Variants in USH2A observed in about 807,000 individuals in gnomAD.
The protein encoded by USH2A is usherin, also known as Usher syndrome 2A (autosomal recessive, mild).
USH2A carries 443 observed loss-of-function variants against 538.9 expected under a neutral mutation model. The observed-to-expected ratio is 0.82, with a 90% CI of 0.76 to 0.89. USH2A has a LOEUF of 0.89. Among genes scored for constraint, USH2A ranks in the 40% least tolerant of loss-of-function variants. The probability of loss-of-function intolerance (pLI) is 0.00; values close to 1 mark genes in which losing one functional copy is unlikely to be tolerated. For synonymous variants in USH2A, 2,413 were observed against 2,273.5 expected (o/e 1.06, Z -1.75); for missense variants, 6,633 against 6,324.8 (o/e 1.05, Z -1.65).
At position 215,800,673 on chromosome 1, in the gene USH2A, T is replaced by G. The variant is rs1662298962; in HGVS notation, c.9740-1548A>C. ...TATAAAAATATGGGACAATATTTAA[T>G]TAAACATAGATATATAAGGAGTATA... On this transcript the variant is annotated intron_variant, in intron 49 of 71. Coordinates refer to ENST00000307340, the MANE Select transcript of USH2A (RefSeq NM_206933.4). 2.0e-5 allele frequency among the ~76,000 whole-genome samples: 3 copies of G among 152,274 alleles called. No individual in the cohort carries two copies. The South Asian group carries it at 6.2e-4, about 32-fold the overall frequency.
At chr1:215,842,502 A>G (rs1016146485) in intron 46 of USH2A, among the ~76,000 whole-genome samples, 3 of 152,194 alleles carry the variant, frequency 2.0e-5, no homozygotes, top group Non-Finnish European at 2.9e-5. Context: ...TAAAGATACA[A>G]GCACATATAT....
intron 32 of USH2A, among the ~76,000 whole-genome samples, chr1:216,010,426 C>A (rs1668531448): frequency 6.6e-6 from 1 of 152,050 alleles, no homozygotes; most frequent in African/African-American, 2.4e-5. Context: ...GGAACTCTGG[C>A]CCAAGGTTCT....
intron 41 of USH2A, 99 bp downstream of exon 41, chr1:215,888,327 A>G: frequency 6.4e-7 from 1 of 1,573,496 alleles, no homozygotes; most frequent in Non-Finnish European, 8.6e-7. Flanking sequence ...TAAAACAACA[A>G]ATGCGTTTGT....
chr1:216,001,633 G>A (rs1430745026), intron 32 of USH2A, among the ~76,000 whole-genome samples: 1 of 152,074 alleles, frequency 6.6e-6, no homozygotes, highest in East Asian at 1.9e-4. Context: ...AAATAAGTTA[G>A]TCACAATTTA....
chr1:216,182,918 CT>C (rs1402850138), intron 20 of USH2A, among the ~76,000 whole-genome samples: 1 of 152,118 alleles, frequency 6.6e-6, no homozygotes, highest in Admixed American at 6.6e-5. Context: ...TGAAATAATT[CT>C]TCAAGAATGA....
chr1:216,251,536 C>T (rs566446823), intron 11 of USH2A, among the ~76,000 whole-genome samples: 8 of 146,068 alleles, frequency 5.5e-5, no homozygotes, highest in Non-Finnish European at 1.0e-4. Context: ...CTGCAAGCTC[C>T]GCCTTCTGGG....
At chr1:215,870,026 T>C (rs150665981) in intron 43 of USH2A, among the ~76,000 whole-genome samples, 1 of 152,286 alleles carries the variant, frequency 6.6e-6, no homozygotes, top group African/African-American at 2.4e-5. Flanking sequence ...AATAATAAAG[T>C]GTGTGCTACA....
chr1:216,132,257 TCTTATA>T, intron 21 of USH2A, among the ~76,000 whole-genome samples: 1 of 152,268 alleles, frequency 6.6e-6, no homozygotes. Context: ...TTTCACACTT[TCTTATA>T]CTTAGAATCT....
chr1:215,629,678 C>T (rs569660120), intron 70 of USH2A, among the ~76,000 whole-genome samples: 43 of 151,992 alleles, frequency 2.8e-4, no homozygotes, highest in Middle Eastern at 3.5e-3. Flanking sequence ...AGACCTAGAA[C>T]GCGCCGTAAG....
chr1:215,743,386 A>ATATGTGTGTGTGTG (rs878870284), intron 58 of USH2A, 51 bp from the exon 59 acceptor site: 3 of 328,568 alleles, frequency 9.1e-6, no homozygotes, highest in South Asian at 9.1e-5. Flanking sequence ...ATATATATAT[A>ATATGTGTGTGTGTG]TGTGTGTGTG....
chr1:216,190,180 T>C, intron 20 of USH2A, 43 bp downstream of exon 20: 1 of 1,610,636 alleles, frequency 6.2e-7, no homozygotes, highest in Non-Finnish European at 8.5e-7. Flanking sequence ...GTTTTTTTTC[T>C]TGATAGGCAA....
At chr1:216,108,372 C>T (rs775326838) in intron 21 of USH2A, among the ~76,000 whole-genome samples, 1 of 150,584 alleles carries the variant, frequency 6.6e-6, no homozygotes, top group Non-Finnish European at 1.5e-5. Flanking sequence ...TTCCTTTTCT[C>T]TAGCTGATTT....
chr1:216,100,682 T>C (rs1001559315), intron 21 of USH2A, among the ~76,000 whole-genome samples: 1 of 152,106 alleles, frequency 6.6e-6, no homozygotes, highest in Non-Finnish European at 1.5e-5. Flanking sequence ...GAATTGGGTG[T>C]TGGAAGATAT....
chr1:215,873,233 G>C (rs1664669409), intron 43 of USH2A, among the ~76,000 whole-genome samples: 1 of 152,160 alleles, frequency 6.6e-6, no homozygotes, highest in African/African-American at 2.4e-5. Flanking sequence ...TGGCATACTA[G>C]TGTTGACAGA....
chr1:216,162,033 A>G (rs541059487), intron 21 of USH2A, among the ~76,000 whole-genome samples: 1 of 151,988 alleles, frequency 6.6e-6, no homozygotes, highest in East Asian at 1.9e-4. Flanking sequence ...CTTTCCTTAT[A>G]TTTGCCCTCC....
chr1:215,930,465 A>T (rs1445194916), intron 38 of USH2A, among the ~76,000 whole-genome samples: 1 of 152,024 alleles, frequency 6.6e-6, no homozygotes, highest in Non-Finnish European at 1.5e-5. Context: ...ATACTCTATA[A>T]TGCCTTTGTT....
chr1:216,143,709 A>G (rs1448069422), intron 21 of USH2A, among the ~76,000 whole-genome samples: 1 of 152,226 alleles, frequency 6.6e-6, no homozygotes, highest in African/African-American at 2.4e-5. Flanking sequence ...CCAGAAAACC[A>G]GAAACATGAA....
At chr1:216,141,685 G>A (rs2033606538) in intron 21 of USH2A, among the ~76,000 whole-genome samples, 1 of 152,010 alleles carries the variant, frequency 6.6e-6, no homozygotes, top group Admixed American at 6.6e-5. Context: ...GTATTCTCAG[G>A]ATCTAACTGA....
At chr1:216,186,829 C>T (rs2034615442) in intron 20 of USH2A, among the ~76,000 whole-genome samples, 1 of 151,764 alleles carries the variant, frequency 6.6e-6, no homozygotes, top group Admixed American at 6.6e-5. Flanking sequence ...TATCATTGTC[C>T]ATCCTTCCCA....
Sources: gnomAD v4.1 joint callset for allele counts (sites outside exome capture counted in the v4.1 genomes callset) on GRCh38, gnomAD v4.1.1 for gene constraint, MANE v1.5 for transcripts, NCBI Gene and HGNC (gene_info 2026-07-23, HGNC 2026-07-21) for gene names.